The following RASAL2 variants were observed in gnomAD, a reference collection of about 807,000 sequenced individuals.
The protein encoded by RASAL2 is RAS protein activator like 2.
RASAL2 carries 58 observed loss-of-function variants against 128.9 expected under a neutral mutation model. That is an observed-to-expected ratio of 0.45 (90% CI 0.36 to 0.56). The LOEUF is 0.56. Among genes scored for constraint, RASAL2 ranks in the 20% least tolerant of loss-of-function variants. RASAL2 has a pLI of 0.00. For synonymous variants in RASAL2, 561 were observed against 580.8 expected (o/e 0.97, Z 0.49); for missense variants, 1,360 against 1,601.6 (o/e 0.85, Z 2.57).
intron 14 of RASAL2, 34 bp downstream of exon 14, chr1:178,458,578 C>T: frequency 6.5e-7 from 1 of 1,545,094 alleles, no homozygotes; most frequent in Non-Finnish European, 8.7e-7. Flanking sequence ...CTGGCTTCTA[C>T]TTGGTCCATC....
chr1:178,096,573 G>A (rs1658695702), intron 1 of RASAL2, among the ~76,000 whole-genome samples: 1 of 151,878 alleles, frequency 6.6e-6, no homozygotes, highest in Non-Finnish European at 1.5e-5. Context: ...TTGTTCAAGA[G>A]TGACCACGAC....
chr1:178,229,097 A>G (rs1299172563), intron 1 of RASAL2, among the ~76,000 whole-genome samples: 3 of 152,222 alleles, frequency 2.0e-5, no homozygotes, highest in Admixed American at 6.5e-5. Context: ...ATCATATTTT[A>G]TCTACCTTTA....
Position 178,161,958 on chromosome 1 carries a change from T to TTTTATTTA in RASAL2, c.202+67284_202+67291dup, listed in dbSNP as rs56767855. Among the ~76,000 whole-genome samples the TTTTATTTA allele has an allele frequency of 2.3e-3, 350 of 150,506 alleles. 4 individuals carry two copies. The highest frequency in any genetic ancestry group is 8.2e-3 in the African/African-American group (332 of 40,726). Reference sequence around the variant, plus strand: ...TTTGATTGTTGATTTATTTATTTATTTTTATTTATTTATTTATTTATTTAT... The same window carrying TTTTATTTA: ...TTTGATTGTTGATTTATTTATTTATTTTTATTTATTTATTTATTTATTTATTTATTTAT... On this transcript the variant is annotated intron_variant, in intron 1 of 17. Coordinates refer to ENST00000367649, the MANE Select transcript of RASAL2 (RefSeq NM_170692.4).
intron 1 of RASAL2, among the ~76,000 whole-genome samples, chr1:178,158,398 A>G (rs1454180338): frequency 6.6e-6 from 1 of 152,168 alleles, no homozygotes; most frequent in East Asian, 1.9e-4. Context: ...AAGTGAGACA[A>G]TTTATATGAA....
intron 1 of RASAL2, among the ~76,000 whole-genome samples, chr1:178,112,421 G>A (rs929305000): frequency 1.3e-5 from 2 of 151,902 alleles, no homozygotes; most frequent in Non-Finnish European, 2.9e-5. Flanking sequence ...GTGGTGGTGT[G>A]TGCCTGTAAT....
chr1:178,229,000 C>G (rs1424493537), intron 1 of RASAL2, among the ~76,000 whole-genome samples: 2 of 152,084 alleles, frequency 1.3e-5, no homozygotes, highest in Non-Finnish European at 2.9e-5. Context: ...TGATTTCAAA[C>G]CTATAGAAAT....
At chr1:178,386,230 G>A (rs1213357857) in intron 3 of RASAL2, among the ~76,000 whole-genome samples, 1 of 152,204 alleles carries the variant, frequency 6.6e-6, no homozygotes, top group Non-Finnish European at 1.5e-5. Flanking sequence ...AGAGGAATAT[G>A]TGTATGTTGA....
intron 1 of RASAL2, among the ~76,000 whole-genome samples, chr1:178,171,454 T>G (rs1204957628): frequency 6.6e-6 from 1 of 151,970 alleles, no homozygotes; most frequent in Non-Finnish European, 1.5e-5. Flanking sequence ...ATTGGGAAAT[T>G]CATATTTTTG....
chr1:178,270,206 C>T (rs1041147779), intron 1 of RASAL2, among the ~76,000 whole-genome samples: 1 of 151,942 alleles, frequency 6.6e-6, no homozygotes, highest in African/African-American at 2.4e-5. Flanking sequence ...TGGTGGTCAT[C>T]TGTTTTTATC....
At chr1:178,195,806 A>G (rs1662640218) in intron 1 of RASAL2, among the ~76,000 whole-genome samples, 2 of 152,150 alleles carry the variant, frequency 1.3e-5, no homozygotes, top group Admixed American at 1.3e-4. Flanking sequence ...TAAGCTAATT[A>G]TGATGAGCTC....
chr1:178,325,340 A>AT (rs1418888218), intron 3 of RASAL2, among the ~76,000 whole-genome samples: 1 of 152,174 alleles, frequency 6.6e-6, no homozygotes, highest in African/African-American at 2.4e-5. Flanking sequence ...TTATCAGTTC[A>AT]TTTTTTCCTC....
chr1:178,251,879 T>C (rs1265350450), intron 1 of RASAL2, among the ~76,000 whole-genome samples: 1 of 152,220 alleles, frequency 6.6e-6, no homozygotes, highest in Non-Finnish European at 1.5e-5. Flanking sequence ...TGAAATAGAA[T>C]GTTATGTAAA....
chr1:178,272,657 G>T (rs548062877), intron 1 of RASAL2, among the ~76,000 whole-genome samples: 4 of 152,162 alleles, frequency 2.6e-5, no homozygotes, highest in South Asian at 4.1e-4. Flanking sequence ...GGCCAGGCAC[G>T]GTTGCTTAGC....
At chr1:178,126,165 T>G (rs1450418729) in intron 1 of RASAL2, among the ~76,000 whole-genome samples, 1 of 152,166 alleles carries the variant, frequency 6.6e-6, no homozygotes, top group African/African-American at 2.4e-5. Context: ...GTGGTGGAGT[T>G]TGGATTTGAA....
chr1:178,200,752 G>A (rs1001875599), intron 1 of RASAL2, among the ~76,000 whole-genome samples: 2 of 152,162 alleles, frequency 1.3e-5, no homozygotes, highest in African/African-American at 4.8e-5. Context: ...GAATGGTGAC[G>A]TGTGAGAGGA....
At chr1:178,438,878 ACT>A (rs1448543016) in intron 5 of RASAL2, among the ~76,000 whole-genome samples, 82 of 71,422 alleles carry the variant, frequency 1.1e-3, no homozygotes, top group African/African-American at 3.4e-3. Flanking sequence ...TTGAGCTTCG[ACT>A]CTGTGTGTGT....
At chr1:178,135,912 G>A (rs553764654) in intron 1 of RASAL2, among the ~76,000 whole-genome samples, 126 of 152,216 alleles carry the variant, frequency 8.3e-4, no homozygotes, top group Non-Finnish European at 1.4e-3. Context: ...TGGGGAAACT[G>A]CCCCCATGAT....
chr1:178,262,268 C>A (rs1665733349), intron 1 of RASAL2, among the ~76,000 whole-genome samples: 1 of 152,086 alleles, frequency 6.6e-6, no homozygotes, highest in Non-Finnish European at 1.5e-5. Flanking sequence ...TTTAAAGTTC[C>A]CAGTATCCTT....
At position 178,420,591 on chromosome 1, in the gene RASAL2, G is replaced by A; in HGVS notation, c.645G>A (p.Arg215=). ...AGCTTGACAGAAACACGAGCTTTCG[G>A]CTTCCATCCCTTCGCAGTACAGATG... ...QSKLDRNTSF[R]LPSLRSTDDR... Residue 215 remains arginine (R), a synonymous_variant, in exon 5 of 18, where the codon CGG becomes CGA. Coordinates refer to ENST00000367649, the MANE Select transcript of RASAL2 (RefSeq NM_170692.4). 6.2e-7 allele frequency: 1 copy of A among 1,612,104 alleles called. No individual in the cohort carries two copies. The highest frequency in any genetic ancestry group is 8.5e-7 in the Non-Finnish European group (1 of 1,178,710).
Sources: gnomAD v4.1 joint callset for allele counts (sites outside exome capture counted in the v4.1 genomes callset) on GRCh38, gnomAD v4.1.1 for gene constraint, MANE v1.5 for transcripts, NCBI Gene and HGNC (gene_info 2026-07-23, HGNC 2026-07-21) for gene names.